The following NFIB variants were observed in gnomAD, a reference collection of about 807,000 sequenced individuals.
NFIB encodes nuclear factor I B.
NFIB carries 11 observed loss-of-function variants against 61.5 expected under a neutral mutation model. The ratio of observed to expected loss-of-function variants is 0.18; its 90% confidence interval spans 0.11 to 0.30. The LOEUF (loss-of-function observed/expected upper bound fraction) is 0.30, where lower values mean the gene tolerates loss of function less well. Ranked by LOEUF, NFIB falls within the 10% of genes least tolerant of loss-of-function variation. NFIB has a pLI of 1.00. For missense variants in NFIB, 471 were observed against 608.9 expected (o/e 0.77, Z 2.38); for synonymous variants, 260 against 216.5 (o/e 1.20, Z -1.76).
chr9:14,160,831 CAA>C lies in NFIB; in HGVS notation c.617-4940_617-4939del, dbSNP rs36063048. On this transcript the variant is annotated intron_variant, in intron 3 of 10. Coordinates refer to ENST00000380953, the MANE Select transcript of NFIB (RefSeq NM_001190737.2). ...AATTCTTGCTTTGTGAAGGAAATCT[CAA>C]AAAAAAAAAAAAAAAAAACAGAAAA... Among the ~76,000 whole-genome samples, 183 of 96,326 alleles carry C rather than the reference CAA, an allele frequency of 1.9e-3. 1 individual carries two copies. The highest frequency in any genetic ancestry group is 6.9e-3 in the African/African-American group (166 of 24,198). 63.2% of individuals were successfully genotyped at this position (96,326 alleles called of 152,430 possible).
chr9:14,112,911 C>A (rs2037592992), intron 10 of NFIB, 88 bp downstream of exon 10: 1 of 1,294,470 alleles, frequency 7.7e-7, no homozygotes, highest in Admixed American at 2.3e-5. Context: ...CGGGAGCCCC[C>A]TTCTGAGTCC....
At chr9:14,511,234 T>G in the NFIB span, among the ~76,000 whole-genome samples, 1 of 152,186 alleles carries the variant, frequency 6.6e-6, no homozygotes, top group South Asian at 2.1e-4. Flanking sequence ...ACATATTTTC[T>G]TATGTATTCA....
At chr9:14,397,263 T>G (rs2061696370) in intron 1 of NFIB, among the ~76,000 whole-genome samples, 1 of 152,230 alleles carries the variant, frequency 6.6e-6, no homozygotes, top group African/African-American at 2.4e-5. Context: ...CATATGGTTA[T>G]TTCTAATGCA....
chr9:14,416,184 C>T, the NFIB span, among the ~76,000 whole-genome samples: 2 of 152,206 alleles, frequency 1.3e-5, no homozygotes, highest in African/African-American at 4.8e-5. Context: ...TGTCAAACCA[C>T]ATATACCATA....
In NFIB at chr9:14,125,672, G is replaced by C. The variant is rs1397545553; in HGVS notation, c.1020C>G (p.Pro340=). The C allele has an allele frequency of 3.1e-6, 5 of 1,614,142 alleles. No homozygotes were observed. Among genetic ancestry groups the C allele is most frequent in the Non-Finnish European group, 4.2e-6 (5 of 1,180,012 alleles). ...QDSSPRLSTF[P]QHHHPGIPGV... is the part of the protein sequence containing the mutation. ...CAGGTATTCCGGGATGGTGGTGCTG[G>C]GGGAAAGTGCTCAGTCTTGGGGAAG... is the stretch of plus-strand genomic sequence containing the variant. Residue 340 remains proline, a synonymous_variant, in exon 7 of 11, where the codon CCC becomes CCG. Coordinates refer to ENST00000380953, the MANE Select transcript of NFIB (RefSeq NM_001190737.2).
intron 2 of NFIB, among the ~76,000 whole-genome samples, chr9:14,223,496 T>A (rs2051967730): frequency 6.6e-6 from 1 of 151,694 alleles, no homozygotes; most frequent in Non-Finnish European, 1.5e-5. Context: ...GCATTCCAAT[T>A]TTTTTTAGGG....
At chr9:14,419,182 T>C in the NFIB span, among the ~76,000 whole-genome samples, 33 of 151,240 alleles carry the variant, frequency 2.2e-4, no homozygotes, top group African/African-American at 8.0e-4. Flanking sequence ...AAGGTTTTAA[T>C]TGCTATGGAA....
At chr9:14,454,037 C>G in the NFIB span, among the ~76,000 whole-genome samples, 1 of 152,094 alleles carries the variant, frequency 6.6e-6, no homozygotes, top group Non-Finnish European at 1.5e-5. Flanking sequence ...CCACTGCACT[C>G]CAGCCTGGTG....
the NFIB span, among the ~76,000 whole-genome samples, chr9:14,404,288 T>A: frequency 0.013 from 1,976 of 152,200 alleles, 40 homozygotes; most frequent in African/African-American, 0.044. Flanking sequence ...CCCCGAGGAT[T>A]CTTTGATTTG....
chr9:14,436,603 G>A, the NFIB span, among the ~76,000 whole-genome samples: 2 of 152,106 alleles, frequency 1.3e-5, no homozygotes, highest in South Asian at 2.1e-4. Context: ...CTTCCACAGC[G>A]CCAAATACCT....
At chr9:14,335,947 G>A (rs189902821) in intron 1 of NFIB, among the ~76,000 whole-genome samples, 7 of 152,210 alleles carry the variant, frequency 4.6e-5, no homozygotes, top group African/African-American at 7.2e-5. Flanking sequence ...CCACTGAATC[G>A]AGTTCAAACC....
the NFIB span, among the ~76,000 whole-genome samples, chr9:14,483,112 C>A: frequency 8.5e-5 from 13 of 152,130 alleles, no homozygotes; most frequent in Admixed American, 8.5e-4. Flanking sequence ...TGAATCATAA[C>A]CTCCTGCTTA....
the NFIB span, among the ~76,000 whole-genome samples, chr9:14,516,995 T>C: frequency 6.6e-6 from 1 of 152,216 alleles, no homozygotes; most frequent in Non-Finnish European, 1.5e-5. Flanking sequence ...ACATTAGTTT[T>C]GTTTCTTAAT....
intron 1 of NFIB, among the ~76,000 whole-genome samples, chr9:14,370,925 T>C (rs1402779830): frequency 6.6e-6 from 1 of 151,990 alleles, no homozygotes; most frequent in Non-Finnish European, 1.5e-5. Context: ...CGAAACCCCA[T>C]CTCTACAAAA....
chr9:14,403,965 G>A (rs1274289149), upstream of NFIB, among the ~76,000 whole-genome samples: 3 of 151,944 alleles, frequency 2.0e-5, no homozygotes, highest in Non-Finnish European at 4.4e-5. Context: ...GAATCTCTTT[G>A]GATAAAAAAA....
At position 14,083,592 on chromosome 9, in the gene NFIB, T is replaced by C. The variant is rs140565354; in HGVS notation, c.*4717A>G. ...CCTTGACAGGAACATGTAAACTATA[T>C]TGAATGTCATGCTTGGGGCCTATCT... On this transcript the variant is annotated 3_prime_UTR_variant, in exon 11 of 11. Transcript: ENST00000380953. The C allele has an allele frequency of 8.0e-4, 182 of 228,372 alleles. No individual in the cohort carries two copies. Among genetic ancestry groups the C allele is most frequent in the African/African-American group, 3.6e-3 (162 of 45,096 alleles). The allele number at this position is 228,372 out of a possible 1,614,324, so 14.1% of individuals were successfully genotyped here.
In NFIB at chr9:14,116,238, C is replaced by T. The variant is rs2038115003; in HGVS notation, c.1354G>A (p.Asp452Asn). 9.1e-6 allele frequency: 14 copies of T among 1,533,976 alleles called. No homozygotes were observed. The highest frequency in any genetic ancestry group is 1.2e-5 in the Non-Finnish European group (14 of 1,137,738). The change falls in exon 9 of 11, where the codon GAT (aspartate) becomes AAT (asparagine). Residue 452 changes from aspartate to asparagine, a missense_variant. By Grantham distance (23) the Asp-to-Asn change is conservative. Around this residue, in one of 2 missense-constraint regions of NFIB, gnomAD observed 372 missense variants for 395.6 expected, o/e 0.94. Transcript: ENST00000380953. ...GTGGATGTAGTGATGGGTTTAGTAT[C>T]TGTCATGCTCAGGGTCACAGGTCGC... ...AVRPVTLSMT[D>N]TKPITTSTEA...
At chr9:14,114,310 A>C (rs898618434) in intron 9 of NFIB, among the ~76,000 whole-genome samples, 3 of 152,204 alleles carry the variant, frequency 2.0e-5, no homozygotes, top group Non-Finnish European at 4.4e-5. Flanking sequence ...GGAATTCACC[A>C]CACCTCACAG....
the NFIB span, among the ~76,000 whole-genome samples, chr9:14,418,291 CT>C: frequency 6.6e-6 from 1 of 152,232 alleles, no homozygotes; most frequent in African/African-American, 2.4e-5. Context: ...TCACAGCCCC[CT>C]GGCTTTCATG....
Sources: gnomAD v4.1 joint callset for allele counts (sites outside exome capture counted in the v4.1 genomes callset) on GRCh38, gnomAD v4.1.1 for gene constraint, gnomAD v4.1.1 regional missense constraint, MANE v1.5 for transcripts, NCBI Gene and HGNC (gene_info 2026-07-23, HGNC 2026-07-21) for gene names.